Variants in QTMAN observed in about 807,000 individuals in gnomAD.
The protein encoded by QTMAN is tRNA-queuosine alpha-mannosyltransferase.
At chr2:144,161,482 A>T in the QTMAN span, among the ~76,000 whole-genome samples, 1 of 152,304 alleles carries the variant, frequency 6.6e-6, no homozygotes, top group South Asian at 2.1e-4. Flanking sequence ...ACCAGAAAGA[A>T]GTTTTGTGAT....
the QTMAN span, among the ~76,000 whole-genome samples, chr2:144,278,758 G>A: frequency 1.3e-5 from 2 of 151,914 alleles, no homozygotes; most frequent in Admixed American, 6.6e-5. Context: ...CACAGAGCCA[G>A]GAAAGCAATT....
chr2:144,313,052 A>G, the QTMAN span, among the ~76,000 whole-genome samples: 1 of 152,228 alleles, frequency 6.6e-6, no homozygotes, highest in Non-Finnish European at 1.5e-5. Context: ...AAGATTCTGC[A>G]GCTCATTAAA....
chr2:143,956,082 C>T, the QTMAN span, among the ~76,000 whole-genome samples: 7 of 152,204 alleles, frequency 4.6e-5, no homozygotes, highest in Non-Finnish European at 1.0e-4. Context: ...TCTCCATTTA[C>T]AATACCCAAT....
chr2:144,039,892 C>A, the QTMAN span, among the ~76,000 whole-genome samples: 1 of 152,148 alleles, frequency 6.6e-6, no homozygotes, highest in Non-Finnish European at 1.5e-5. Flanking sequence ...AACCTGTACA[C>A]TGGAAATTGC....
chr2:144,167,265 C>A, the QTMAN span, among the ~76,000 whole-genome samples: 17 of 152,148 alleles, frequency 1.1e-4, no homozygotes, highest in Non-Finnish European at 1.6e-4. Context: ...AACAAATATT[C>A]CTTATGAAAA....
chr2:144,301,073 A>G, the QTMAN span, among the ~76,000 whole-genome samples: 1 of 152,340 alleles, frequency 6.6e-6, no homozygotes, highest in South Asian at 2.1e-4. Context: ...TTGCAATGCC[A>G]ATGTTTTAAT....
the QTMAN span, among the ~76,000 whole-genome samples, chr2:144,018,108 T>A: frequency 0.024 from 3,685 of 152,262 alleles, 150 homozygotes; most frequent in African/African-American, 0.084. Flanking sequence ...TGTCTTTACT[T>A]ATATTCCTTC....
At chr2:144,212,167 G>A in the QTMAN span, among the ~76,000 whole-genome samples, 11 of 152,256 alleles carry the variant, frequency 7.2e-5, no homozygotes, top group East Asian at 1.9e-3. Context: ...AACTGATCAC[G>A]AATACCAGAA....
the QTMAN span, among the ~76,000 whole-genome samples, chr2:143,998,694 G>T: frequency 6.6e-6 from 1 of 151,954 alleles, no homozygotes; most frequent in South Asian, 2.1e-4. Context: ...TTCACTTCTG[G>T]ATTTATTTTT....
chr2:144,066,141 ATTCT>A, the QTMAN span, among the ~76,000 whole-genome samples: 1 of 151,342 alleles, frequency 6.6e-6, no homozygotes, highest in South Asian at 2.1e-4. Context: ...CTTTCCTCTC[ATTCT>A]TTCTTCCTTT....
the QTMAN span, among the ~76,000 whole-genome samples, chr2:144,022,632 C>T: frequency 7.1e-5 from 10 of 140,834 alleles, no homozygotes; most frequent in Non-Finnish European, 1.2e-4. Flanking sequence ...GGCACGATCT[C>T]GGCTCATTGC....
At chr2:144,021,897 G>C in the QTMAN span, among the ~76,000 whole-genome samples, 1 of 152,088 alleles carries the variant, frequency 6.6e-6, no homozygotes, top group Non-Finnish European at 1.5e-5. Flanking sequence ...GCTTATAAAA[G>C]AGAGCTAACA....
the QTMAN span, among the ~76,000 whole-genome samples, chr2:144,254,323 G>T: frequency 6.6e-6 from 1 of 152,194 alleles, no homozygotes; most frequent in Non-Finnish European, 1.5e-5. Context: ...TTGGGAGGCT[G>T]AGGCAGGAGA....
the QTMAN span, among the ~76,000 whole-genome samples, chr2:144,260,148 CACTT>C: frequency 1.3e-5 from 2 of 151,918 alleles, no homozygotes; most frequent in African/African-American, 2.4e-5. Flanking sequence ...TTAGTGAAAA[CACTT>C]AATGCGAATT....
At chr2:144,248,163 T>C in the QTMAN span, among the ~76,000 whole-genome samples, 1 of 152,186 alleles carries the variant, frequency 6.6e-6, no homozygotes, top group Non-Finnish European at 1.5e-5. Context: ...CGGTCAGCAA[T>C]AGGTGACTAG....
the QTMAN span, among the ~76,000 whole-genome samples, chr2:144,291,514 T>C: frequency 6.6e-6 from 1 of 152,226 alleles, no homozygotes; most frequent in South Asian, 2.1e-4. Context: ...TGCTCATATG[T>C]TTAACCTGAA....
the QTMAN span, among the ~76,000 whole-genome samples, chr2:144,182,828 A>AT: frequency 1.5e-5 from 1 of 67,212 alleles, no homozygotes; most frequent in Non-Finnish European, 2.6e-5. Context: ...TTATATATAT[A>AT]ATATATATAT....
the QTMAN span, among the ~76,000 whole-genome samples, chr2:144,086,335 T>A: frequency 2.6e-5 from 4 of 152,180 alleles, no homozygotes; most frequent in Non-Finnish European, 5.9e-5. Flanking sequence ...TTTTTTGAGA[T>A]AGGGTCTCGC....
chr2:144,212,280 C>T, the QTMAN span, among the ~76,000 whole-genome samples: 3 of 152,030 alleles, frequency 2.0e-5, no homozygotes, highest in African/African-American at 4.8e-5. Flanking sequence ...TTGGCCAACA[C>T]GGTGAAAGCC....
Sources: gnomAD v4.1 joint callset for allele counts (sites outside exome capture counted in the v4.1 genomes callset) on GRCh38, gnomAD v4.1.1 for gene constraint, MANE v1.5 for transcripts, NCBI Gene and HGNC (gene_info 2026-07-23, HGNC 2026-07-21) for gene names.